NFATC1: variants seen among roughly 807,000 people sequenced by gnomAD.
The protein encoded by NFATC1 is nuclear factor of activated T cells 1.
Under a neutral mutation model 76.0 loss-of-function variants are expected in NFATC1, and 22 were observed. The observed-to-expected ratio is 0.29, with a 90% CI of 0.21 to 0.41. The LOEUF is 0.41. Among genes scored for constraint, NFATC1 ranks in the 10% least tolerant of loss-of-function variants. NFATC1 has a pLI of 1.00. For missense variants in NFATC1, 1,357 were observed against 1,337.7 expected, an observed-to-expected ratio of 1.01 and a Z score of -0.23; for synonymous variants, 704 against 613.1, an observed-to-expected ratio of 1.15 and a Z score of -2.19.
At chr18:79,463,288 C>G (rs1023271393) in intron 7 of NFATC1, among the ~76,000 whole-genome samples, 11 of 152,210 alleles carry the variant, frequency 7.2e-5, no homozygotes, top group African/African-American at 2.4e-4. Flanking sequence ...GCTGGAGGCC[C>G]CAGGGCAGGC....
At position 79,486,931 on chromosome 18, in the gene NFATC1, G is replaced by T. The variant is rs1569022892; in HGVS notation, c.2776G>T (p.Asp926Tyr). The change falls in exon 9 of 10, where the codon GAT becomes TAT. Residue 926 changes from aspartate to tyrosine, a missense_variant. This residue lies in a region of NFATC1 where 424 missense variants were observed against 395.4 expected (regional missense o/e 1.07). Transcript: ENST00000427363. ...TGAAGAGTTGGACCAGTTGTACCTG[G>T]ATGACGGTGAGTGCCCGCAGCCATG... is the stretch of plus-strand genomic sequence containing the variant. ...EPEELDQLYLDDVNEIIRNDL... is the reference protein window; with the variant it reads ...EPEELDQLYLYDVNEIIRNDL... 8 of 1,591,574 alleles carry T rather than the reference G, an allele frequency of 5.0e-6. No individual in the cohort carries two copies. The highest frequency in any genetic ancestry group is 6.9e-6 in the Non-Finnish European group (8 of 1,166,332).
intron 6 of NFATC1, among the ~76,000 whole-genome samples, chr18:79,454,163 T>C (rs959377575): frequency 6.6e-6 from 1 of 152,144 alleles, no homozygotes; most frequent in African/African-American, 2.4e-5. Flanking sequence ...GCAGTTGAAG[T>C]GGCTTCTCCA....
rs552807591 is a variant in NFATC1, at chr18:79,471,542, C to T, written c.2092+3960C>T. On this transcript the variant is annotated intron_variant, in intron 8 of 9. Transcript: ENST00000427363. ...GTTACCTGGAAACGCTCCCAGGGCC[C>T]CTGAGCTGGGGACACGGAGCTCTTC... Among the ~76,000 whole-genome samples, 4 of 152,304 alleles carry T rather than the reference C, an allele frequency of 2.6e-5. No individual in the cohort carries two copies. In the East Asian group the frequency reaches 7.7e-4, roughly 29 times the overall value.
At chr18:79,446,200 G>A (rs551266152) in intron 3 of NFATC1, among the ~76,000 whole-genome samples, 1 of 152,254 alleles carries the variant, frequency 6.6e-6, no homozygotes, top group South Asian at 2.1e-4. Flanking sequence ...TTAAATAATA[G>A]ATGTTTACCT....
At chr18:79,511,467 G>A (rs759101350) in intron 9 of NFATC1, among the ~76,000 whole-genome samples, 10 of 152,206 alleles carry the variant, frequency 6.6e-5, no homozygotes, top group African/African-American at 9.6e-5. Flanking sequence ...GTGACTCCAC[G>A]GTGGCTTCCG....
In NFATC1 at chr18:79,504,860, G is replaced by A. The variant is rs1251578061; in HGVS notation, c.2782+17923G>A. Among the ~76,000 whole-genome samples the A allele has an allele frequency of 1.6e-4, 23 of 145,508 alleles. No individual in the cohort carries two copies. The South Asian group carries it at 5.5e-3, about 35-fold the overall frequency. On this transcript the variant is annotated intron_variant, in intron 9 of 9. Coordinates refer to ENST00000427363, the MANE Select transcript of NFATC1 (RefSeq NM_001278669.2). ...AGGAGGTGGTGCTGGAGGCCCTTGGGTGAGGGAAGAGGCAGGAGACTGCTG... is the reference window on the plus strand; with the variant it reads ...AGGAGGTGGTGCTGGAGGCCCTTGGATGAGGGAAGAGGCAGGAGACTGCTG...
chr18:79,517,254 A>G (rs1045439235), intron 9 of NFATC1, among the ~76,000 whole-genome samples: 1 of 152,222 alleles, frequency 6.6e-6, no homozygotes, highest in East Asian at 1.9e-4. Flanking sequence ...CTAAAGGTGT[A>G]TTTTCTGGGA....
intron 9 of NFATC1, among the ~76,000 whole-genome samples, chr18:79,526,386 G>A (rs1341448338): frequency 6.6e-6 from 1 of 152,260 alleles, no homozygotes; most frequent in Non-Finnish European, 1.5e-5. Context: ...CCCAGGATCA[G>A]CGTGGCTCTG....
At chr18:79,444,119 G>GA (rs1263668620) in intron 3 of NFATC1, among the ~76,000 whole-genome samples, 1 of 152,162 alleles carries the variant, frequency 6.6e-6, no homozygotes, top group Non-Finnish European at 1.5e-5. Flanking sequence ...CCTGAAATGA[G>GA]AAAAAAACTT....
At chr18:79,407,671 C>A (rs893227060) in intron 1 of NFATC1, among the ~76,000 whole-genome samples, 1 of 152,218 alleles carries the variant, frequency 6.6e-6, no homozygotes, top group African/African-American at 2.4e-5. Context: ...TCTTGAACTT[C>A]TGACCTCAGA....
In NFATC1 at chr18:79,486,407, G is replaced by A; in HGVS notation, c.2252G>A (p.Cys751Tyr). The change falls in exon 9 of 10, where the codon TGT becomes TAT. Residue 751 changes from cysteine (C) to tyrosine (Y), a missense_variant. By Grantham distance (194) the Cys-to-Tyr change is radical (BLOSUM62 -2). Around this residue, in one of 3 missense-constraint regions of NFATC1, gnomAD observed 424 missense variants for 395.4 expected, o/e 1.07. Transcript: ENST00000427363. Reference sequence around the variant, plus strand: ...TGCCTCGTGGCCGGCTTCCCGCCCTGTCCGCAGAGAAGCACCCTGATGCCA... The same window carrying A: ...TGCCTCGTGGCCGGCTTCCCGCCCTATCCGCAGAGAAGCACCCTGATGCCA... ...SSCLVAGFPP[C>Y]PQRSTLMPAA... The A allele has an allele frequency of 5.0e-6, 8 of 1,612,650 alleles. No individual in the cohort carries two copies. The highest frequency in any genetic ancestry group is 6.8e-6 in the Non-Finnish European group (8 of 1,179,930).
Position 79,522,864 on chromosome 18 carries a change from G to C in NFATC1, c.2783-4664G>C, listed in dbSNP as rs942055786. Among the ~76,000 whole-genome samples, 3 of 152,302 alleles carry C rather than the reference G, an allele frequency of 2.0e-5. No individual in the cohort carries two copies. In the South Asian group the frequency reaches 6.2e-4, roughly 32 times the overall value. On this transcript the variant is annotated intron_variant, in intron 9 of 9. Coordinates refer to ENST00000427363, the MANE Select transcript of NFATC1 (RefSeq NM_001278669.2). ...TTCCATGACTTTCCTAGTAAGTACT[G>C]AAAGAAAAAACACACATCTAACACT...
At chr18:79,467,616 A>G (rs749248259) in intron 8 of NFATC1, 34 bp downstream of exon 8, 4 of 1,611,892 alleles carry the variant, frequency 2.5e-6, no homozygotes, top group South Asian at 1.1e-5. Context: ...AGCCGTGAAC[A>G]TGAGCGCGTG....
Position 79,432,351 on chromosome 18 carries a change from C to G in NFATC1, c.1227-1228C>G, listed in dbSNP as rs7237651. 2.1e-4 allele frequency among the ~76,000 whole-genome samples: 32 copies of G among 151,052 alleles called. 1 individual carries two copies. The highest frequency in any genetic ancestry group is 5.9e-4 in the Admixed American group (9 of 15,152). On this transcript the variant is annotated intron_variant, in intron 2 of 9. Coordinates refer to ENST00000427363, the MANE Select transcript of NFATC1 (RefSeq NM_001278669.2). ...GTGTGGTGAGGACAGTCGGCGGGCC[C>G]TGGGTCTCTGCCCACACGGAGGTGA...
At chr18:79,434,018 G>T (rs754851265) in intron 3 of NFATC1, among the ~76,000 whole-genome samples, 8 of 152,202 alleles carry the variant, frequency 5.3e-5, no homozygotes, top group Non-Finnish European at 1.0e-4. Flanking sequence ...TGTTTTGGGG[G>T]TTGATTCTCC....
intron 9 of NFATC1, among the ~76,000 whole-genome samples, chr18:79,491,204 C>G (rs1206394383): frequency 2.6e-5 from 4 of 152,074 alleles, no homozygotes; most frequent in Admixed American, 6.5e-5. Flanking sequence ...CAGCAGCCAC[C>G]CTGGGGCTCA....
intron 7 of NFATC1, among the ~76,000 whole-genome samples, chr18:79,466,795 TCCC>T: frequency 6.6e-6 from 1 of 152,276 alleles, no homozygotes; most frequent in Non-Finnish European, 1.5e-5. Context: ...ACACAGGCCC[TCCC>T]CAGAGACCGC....
At chr18:79,490,198 AG>A (rs2089635855) in intron 9 of NFATC1, among the ~76,000 whole-genome samples, 1 of 151,848 alleles carries the variant, frequency 6.6e-6, no homozygotes, top group Non-Finnish European at 1.5e-5. Flanking sequence ...TGTGAAGGGG[AG>A]GGGAGAGTCC....
intron 3 of NFATC1, among the ~76,000 whole-genome samples, chr18:79,437,663 C>T (rs1568961272): frequency 6.6e-6 from 1 of 152,200 alleles, no homozygotes; most frequent in Admixed American, 6.5e-5. Context: ...ATGGTGGCAC[C>T]TCGGGCAGCC....
Sources: allele counts gnomAD v4.1 joint callset (sites outside exome capture counted in the v4.1 genomes callset), GRCh38; gene constraint gnomAD v4.1.1; regional missense constraint gnomAD v4.1.1; transcripts MANE v1.5; gene names NCBI Gene and HGNC (gene_info 2026-07-23, HGNC 2026-07-21).